Variants in RALYL observed in about 807,000 individuals in gnomAD.
RALYL encodes the protein RALY RNA binding protein like.
RALYL carries 29 observed loss-of-function variants against 35.1 expected under a neutral mutation model. The ratio of observed to expected loss-of-function variants is 0.83; its 90% confidence interval spans 0.61 to 1.13. RALYL has a LOEUF of 1.13. Among genes scored for constraint, RALYL ranks in the 50% most tolerant of loss-of-function variants. The probability of loss-of-function intolerance (pLI) is 0.00; values close to 1 mark genes in which losing one functional copy is unlikely to be tolerated. For synonymous variants in RALYL, 120 were observed against 127.6 expected, an observed-to-expected ratio of 0.94 and a Z score of 0.40; for missense variants, 359 against 360.4, an observed-to-expected ratio of 1.00 and a Z score of 0.03.
At chr8:84,624,966 A>G (rs905585243) in intron 2 of RALYL, among the ~76,000 whole-genome samples, 2 of 152,206 alleles carry the variant, frequency 1.3e-5, no homozygotes, top group Non-Finnish European at 2.9e-5. Flanking sequence ...TTATACATAT[A>G]GAGAAATGCA....
intron 1 of RALYL, among the ~76,000 whole-genome samples, chr8:84,330,772 GTT>G (rs1280132546): frequency 2.6e-5 from 4 of 151,982 alleles, no homozygotes; most frequent in African/African-American, 9.7e-5. Flanking sequence ...CAAACTGTGG[GTT>G]TTGATAGAAT....
intron 1 of RALYL, among the ~76,000 whole-genome samples, chr8:84,263,679 G>T (rs1031494808): frequency 1.3e-5 from 2 of 152,004 alleles, no homozygotes; most frequent in Non-Finnish European, 2.9e-5. Flanking sequence ...GTGCCATAAT[G>T]GTTTGCTGCA....
chr8:84,330,447 T>G (rs1322818621), intron 1 of RALYL, among the ~76,000 whole-genome samples: 1 of 152,088 alleles, frequency 6.6e-6, no homozygotes, highest in African/African-American at 2.4e-5. Flanking sequence ...ATCATAGCAT[T>G]GTTGATACTG....
intron 2 of RALYL, among the ~76,000 whole-genome samples, chr8:84,557,149 T>G (rs1436243342): frequency 6.6e-6 from 1 of 152,178 alleles, no homozygotes; most frequent in Non-Finnish European, 1.5e-5. Context: ...GTAGCCAGAA[T>G]AGTTTTGTTG....
chr8:84,718,403 A>G (rs1197405628), intron 2 of RALYL, among the ~76,000 whole-genome samples: 1 of 152,162 alleles, frequency 6.6e-6, no homozygotes, highest in African/African-American at 2.4e-5. Context: ...TTACTCATAC[A>G]AACTCTATTT....
intron 2 of RALYL, among the ~76,000 whole-genome samples, chr8:84,571,429 T>A (rs2135788260): frequency 6.6e-6 from 1 of 151,902 alleles, no homozygotes; most frequent in African/African-American, 2.4e-5. Flanking sequence ...TCTCTGATGA[T>A]CTTTTGTATT....
intron 5 of RALYL, among the ~76,000 whole-genome samples, chr8:84,861,139 A>G (rs1203948750): frequency 6.6e-6 from 1 of 152,148 alleles, no homozygotes; most frequent in Non-Finnish European, 1.5e-5. Flanking sequence ...TGACTGTTTT[A>G]AAGTAATTAT....
chr8:84,700,816 A>G (rs1043800700), intron 2 of RALYL, among the ~76,000 whole-genome samples: 1 of 152,200 alleles, frequency 6.6e-6, no homozygotes, highest in African/African-American at 2.4e-5. Context: ...ACAGCAAGTA[A>G]TTTAATATAG....
intron 1 of RALYL, among the ~76,000 whole-genome samples, chr8:84,340,369 C>T (rs1188855923): frequency 1.3e-5 from 2 of 152,098 alleles, no homozygotes; most frequent in African/African-American, 4.8e-5. Context: ...CAGTGTTGTA[C>T]AGCAGATCTC....
At chr8:84,297,450 C>T (rs1246647518) in intron 1 of RALYL, among the ~76,000 whole-genome samples, 1 of 152,048 alleles carries the variant, frequency 6.6e-6, no homozygotes, top group East Asian at 1.9e-4. Flanking sequence ...TTTATTCAGT[C>T]TACTCTTGAT....
At chr8:84,227,704 CCT>C (rs1179784705) in intron 1 of RALYL, among the ~76,000 whole-genome samples, 2 of 152,102 alleles carry the variant, frequency 1.3e-5, no homozygotes, top group African/African-American at 2.4e-5. Flanking sequence ...CCCTGACTCC[CCT>C]GTTACTATTA....
chr8:84,656,467 G>T (rs1266317923), intron 2 of RALYL, among the ~76,000 whole-genome samples: 1 of 152,058 alleles, frequency 6.6e-6, no homozygotes, highest in Non-Finnish European at 1.5e-5. Flanking sequence ...TATGAGTTAG[G>T]CATACTCAGT....
intron 5 of RALYL, among the ~76,000 whole-genome samples, chr8:84,853,254 G>A (rs1836253478): frequency 6.6e-6 from 1 of 152,112 alleles, no homozygotes; most frequent in Non-Finnish European, 1.5e-5. Flanking sequence ...AACTAGCCTT[G>A]TAACTTTAGG....
At chr8:84,656,109 G>T (rs948410401) in intron 2 of RALYL, among the ~76,000 whole-genome samples, 2 of 151,994 alleles carry the variant, frequency 1.3e-5, no homozygotes, top group African/African-American at 4.8e-5. Flanking sequence ...TTTTTTGTTT[G>T]TTTTGTTTTG....
At chr8:84,899,046 G>A (rs1845230268) in intron 8 of RALYL, among the ~76,000 whole-genome samples, 1 of 152,162 alleles carries the variant, frequency 6.6e-6, no homozygotes, top group Non-Finnish European at 1.5e-5. Context: ...GTAGACTGAG[G>A]GATGTTGGGT....
intron 2 of RALYL, among the ~76,000 whole-genome samples, chr8:84,617,108 G>A (rs368709113): frequency 6.7e-6 from 1 of 150,342 alleles, no homozygotes; most frequent in East Asian, 1.9e-4. Context: ...CTTTAAAGTA[G>A]TTTTTTCCAA....
chr8:84,514,463 C>A (rs2057897520), intron 1 of RALYL, among the ~76,000 whole-genome samples: 1 of 152,118 alleles, frequency 6.6e-6, no homozygotes, highest in Admixed American at 6.6e-5. Context: ...GATTAGGGAA[C>A]CAGCAAGTTC....
chr8:84,637,479 G>A (rs757594510), intron 2 of RALYL, among the ~76,000 whole-genome samples: 1 of 151,836 alleles, frequency 6.6e-6, no homozygotes, highest in African/African-American at 2.4e-5. Flanking sequence ...CTGGCTGCTT[G>A]CAGAATCCAA....
chr8:84,217,838 C>T (rs1821191248), intron 1 of RALYL, among the ~76,000 whole-genome samples: 1 of 152,064 alleles, frequency 6.6e-6, no homozygotes, highest in South Asian at 2.1e-4. Context: ...TAGAATTTCC[C>T]ACAAACTAGT....
Sources: allele counts gnomAD v4.1 joint callset (sites outside exome capture counted in the v4.1 genomes callset), GRCh38; gene constraint gnomAD v4.1.1; transcripts MANE v1.5; gene names NCBI Gene and HGNC (gene_info 2026-07-23, HGNC 2026-07-21).